Variants in EPS8 observed in about 807,000 individuals in gnomAD.
The protein encoded by EPS8 is EGFR pathway substrate 8, signaling adaptor, also known as epidermal growth factor receptor kinase substrate 8.
EPS8 carries 42 observed loss-of-function variants against 103.8 expected under a neutral mutation model. The ratio of observed to expected loss-of-function variants is 0.40; its 90% CI spans 0.32 to 0.52. The LOEUF (loss-of-function observed/expected upper bound fraction) is 0.52, where lower values mean the gene tolerates loss of function less well. Among genes scored for constraint, EPS8 ranks in the 20% least tolerant of loss-of-function variants. EPS8 has a pLI of 0.40. For synonymous variants in EPS8, 344 were observed against 344.6 expected, an observed-to-expected ratio of 1.00 and a Z score of 0.02; for missense variants, 969 against 1,005.1, an observed-to-expected ratio of 0.96 and a Z score of 0.49.
chr12:15,637,053 G>A (rs559291788), intron 17 of EPS8, among the ~76,000 whole-genome samples: 3 of 152,258 alleles, frequency 2.0e-5, no homozygotes, highest in South Asian at 2.1e-4. Flanking sequence ...ACGGAGTCTC[G>A]CTCTGTCGCC....
rs576044335 is a variant in EPS8, at chr12:15,762,115, T to C, written c.-22+27046A>G. On this transcript the variant is annotated intron_variant, in intron 1 of 20. Coordinates refer to ENST00000281172, the MANE Select transcript of EPS8 (RefSeq NM_004447.6). The surrounding 1 kb of genome is among the most constrained non-coding windows in gnomAD (Gnocchi z 4.8). ...AACATCTAATAATCCATTCAAAAAATGGGCAAAATATTTGAATAGAAATTT... is the reference window on the plus strand; with the variant it reads ...AACATCTAATAATCCATTCAAAAAACGGGCAAAATATTTGAATAGAAATTT... Among the ~76,000 whole-genome samples, 1 of 152,180 alleles carries C rather than the reference T, an allele frequency of 6.6e-6. No homozygotes were observed. The highest frequency in any genetic ancestry group is 2.1e-4 in the South Asian group (1 of 4,822).
Position 15,777,997 on chromosome 12 carries a change from T to C in EPS8, c.-22+11164A>G, listed in dbSNP as rs1947224053. 6.6e-6 allele frequency among the ~76,000 whole-genome samples: 1 copy of C among 152,122 alleles called. No homozygotes were observed. Among genetic ancestry groups the C allele is most frequent in the African/African-American group, 2.4e-5 (1 of 41,424 alleles). On this transcript the variant is annotated intron_variant, in intron 1 of 20. Coordinates refer to ENST00000281172, the MANE Select transcript of EPS8 (RefSeq NM_004447.6). The surrounding 1 kb of genome is among the most constrained non-coding windows in gnomAD (Gnocchi z 4.7). The stretch of plus-strand genomic sequence containing the variant: ...GAAATGTAAAAAAATTAAAATAACA[T>C]AGAAAGAAATATGCTTTAAACAATT...
At chr12:15,782,468 C>T (rs920006535) in intron 1 of EPS8, among the ~76,000 whole-genome samples, 1 of 152,138 alleles carries the variant, frequency 6.6e-6, no homozygotes, top group African/African-American at 2.4e-5. Flanking sequence ...CGCCACTGCA[C>T]TCCAGCCTGG....
chr12:15,698,964 T>C lies in EPS8; in HGVS notation c.-21-15992A>G, dbSNP rs1946277239. ...CCCAGATGCTTCAGATTTGAAAAAATGTAAATGACCATCAATCTACTAATA... is the reference window on the plus strand; with the variant it reads ...CCCAGATGCTTCAGATTTGAAAAAACGTAAATGACCATCAATCTACTAATA... On this transcript the variant is annotated intron_variant, in intron 1 of 20. Coordinates refer to ENST00000281172, the MANE Select transcript of EPS8 (RefSeq NM_004447.6). The surrounding 1 kb of genome is among the most constrained non-coding windows in gnomAD (Gnocchi z 4.9). Among the ~76,000 whole-genome samples the C allele has an allele frequency of 6.6e-6, 1 of 152,100 alleles. No individual in the cohort carries two copies. The highest frequency in any genetic ancestry group is 1.5e-5 in the Non-Finnish European group (1 of 68,024).
At position 15,734,902 on chromosome 12, in the gene EPS8, C is replaced by G. The variant is rs887827176; in HGVS notation, c.-21-51930G>C. ...ATGTAAGCTGGAAGGTAAGCAGGGC[C>G]AACTGCCATATCATTTCCATTTTAA... On this transcript the variant is annotated intron_variant, in intron 1 of 20. Coordinates refer to ENST00000281172, the MANE Select transcript of EPS8 (RefSeq NM_004447.6). This position sits in a 1 kb window ranked among gnomAD's most constrained non-coding sequence, Gnocchi z 4.1. Among the ~76,000 whole-genome samples, 1 of 152,122 alleles carries G rather than the reference C, an allele frequency of 6.6e-6. No homozygotes were observed. The highest frequency in any genetic ancestry group is 2.4e-5 in the African/African-American group (1 of 41,406).
At chr12:15,710,138 C>T (rs180882200) in intron 1 of EPS8, among the ~76,000 whole-genome samples, 67 of 152,178 alleles carry the variant, frequency 4.4e-4, no homozygotes, top group African/African-American at 1.5e-3. Context: ...TTGGTCTGGC[C>T]AACTGTATAA....
chr12:15,650,253 G>A (rs967904390), intron 14 of EPS8, among the ~76,000 whole-genome samples: 8 of 152,130 alleles, frequency 5.3e-5, no homozygotes, highest in Non-Finnish European at 7.3e-5. Flanking sequence ...AAGAACTTGG[G>A]CCCTCTAGCA....
chr12:15,671,129 A>G (rs1945809520), intron 3 of EPS8, among the ~76,000 whole-genome samples: 1 of 152,136 alleles, frequency 6.6e-6, no homozygotes, highest in African/African-American at 2.4e-5. Context: ...AGGCAAGAAC[A>G]ATTTGATCCA....
intron 1 of EPS8, among the ~76,000 whole-genome samples, chr12:15,763,473 G>T (rs1368427129): frequency 6.6e-6 from 1 of 152,114 alleles, no homozygotes; most frequent in Non-Finnish European, 1.5e-5. Context: ...TATGTTTGAG[G>T]CAACAAAATA....
At chr12:15,754,377 A>G (rs1006476784) in intron 1 of EPS8, among the ~76,000 whole-genome samples, 1 of 152,214 alleles carries the variant, frequency 6.6e-6, no homozygotes, top group African/African-American at 2.4e-5. Flanking sequence ...GCAGGAATGG[A>G]AATCTTGAAT....
In EPS8 at chr12:15,721,851, T is replaced by C. The variant is rs1946599361; in HGVS notation, c.-21-38879A>G. On this transcript the variant is annotated intron_variant, in intron 1 of 20. Coordinates refer to ENST00000281172, the MANE Select transcript of EPS8 (RefSeq NM_004447.6). The surrounding 1 kb of genome is among the most constrained non-coding windows in gnomAD (Gnocchi z 4.4). ...ATTTCTGATCATAAAAGTAAATCCA[T>C]GGCAGAAAGTTAGAACATACAAAAC... Among the ~76,000 whole-genome samples the C allele has an allele frequency of 6.6e-6, 1 of 151,806 alleles. No individual in the cohort carries two copies.
intron 18 of EPS8, among the ~76,000 whole-genome samples, chr12:15,628,520 G>T (rs1205974063): frequency 6.6e-6 from 1 of 152,206 alleles, no homozygotes; most frequent in Non-Finnish European, 1.5e-5. Context: ...GGAAATGGGA[G>T]AAATACAAAG....
rs1769049689 is a variant in EPS8, at chr12:15,784,363, A to G, written c.-22+4798T>C. Among the ~76,000 whole-genome samples the G allele has an allele frequency of 6.6e-6, 1 of 152,226 alleles. No individual in the cohort carries two copies. The highest frequency in any genetic ancestry group is 2.1e-4 in the South Asian group (1 of 4,834). On this transcript the variant is annotated intron_variant, in intron 1 of 20. Transcript: ENST00000281172. The surrounding 1 kb of genome is among the most constrained non-coding windows in gnomAD (Gnocchi z 4.0). ...AGCCATCACACCACAGAAGATGTACAGATGAAAAGGGGTATGTGAAAAGAT... is the reference window on the plus strand; with the variant it reads ...AGCCATCACACCACAGAAGATGTACGGATGAAAAGGGGTATGTGAAAAGAT...
rs1266466383 is a variant in EPS8, at chr12:15,701,701, A to G, written c.-21-18729T>C. Among the ~76,000 whole-genome samples, 1 of 152,218 alleles carries G rather than the reference A, an allele frequency of 6.6e-6. No homozygotes were observed. The highest frequency in any genetic ancestry group is 2.4e-5 in the African/African-American group (1 of 41,464). ...TTGAAACATTACACTGTCCAGATAC[A>G]TTTATGTCAATCTCACTTGTTTTTT... On this transcript the variant is annotated intron_variant, in intron 1 of 20. Coordinates refer to ENST00000281172, the MANE Select transcript of EPS8 (RefSeq NM_004447.6). The surrounding 1 kb of genome is among the most constrained non-coding windows in gnomAD (Gnocchi z 5.1).
chr12:15,670,997 A>G (rs1465371724), intron 3 of EPS8, 74 bp from the exon 4 acceptor site: 3 of 1,102,548 alleles, frequency 2.7e-6, no homozygotes, highest in Admixed American at 3.5e-5. Flanking sequence ...TCATGTGGCT[A>G]TCTCTAAAAC....
intron 12 of EPS8, among the ~76,000 whole-genome samples, chr12:15,655,004 A>T (rs1399240080): frequency 6.6e-6 from 1 of 152,182 alleles, no homozygotes; most frequent in East Asian, 1.9e-4. Context: ...AAAAAATGGT[A>T]GTTATCTCCT....
At chr12:15,672,345 G>C (rs1945831526) in intron 3 of EPS8, 1 of 395,240 alleles carries the variant, frequency 2.5e-6, no homozygotes, top group Non-Finnish European at 4.5e-6. Context: ...AAATCTCCAT[G>C]TCCTTGTATC....
chr12:15,681,345 G>T, intron 2 of EPS8, 43 bp from the exon 3 acceptor site: 1 of 874,262 alleles, frequency 1.1e-6, no homozygotes. Flanking sequence ...ATATAAAAAG[G>T]TCATTGTGTT....
intron 8 of EPS8, chr12:15,665,016 T>C (rs1248647630): frequency 6.6e-6 from 1 of 152,252 alleles, no homozygotes; most frequent in Admixed American, 6.5e-5. Context: ...AGTCATATGA[T>C]GGATACCTTT....
Sources: gnomAD v4.1 joint callset for allele counts (sites outside exome capture counted in the v4.1 genomes callset) on GRCh38, gnomAD v4.1.1 for gene constraint, Gnocchi (gnomAD v3.1) non-coding constraint, MANE v1.5 for transcripts, NCBI Gene and HGNC (gene_info 2026-07-23, HGNC 2026-07-21) for gene names.